DCAF4L2: variants seen among roughly 807,000 people sequenced by gnomAD.
The protein encoded by DCAF4L2 is DDB1- and CUL4-associated factor 4-like protein 2.
In DCAF4L2, 13 loss-of-function variants were observed where a neutral mutation model predicts 15.5. The ratio of observed to expected loss-of-function variants is 0.84; its 90% CI spans 0.54 to 1.33. DCAF4L2 has a LOEUF of 1.33. Ranked by LOEUF, DCAF4L2 falls within the 40% of genes most tolerant of loss-of-function variation. DCAF4L2 has a pLI of 0.00. For synonymous variants in DCAF4L2, 251 were observed against 207.0 expected (o/e 1.21, Z -1.83); for missense variants, 519 against 509.6 (o/e 1.02, Z -0.18).
rs551327930 is a variant in DCAF4L2 at position 87,873,086 on chromosome 8, G to A, written c.886C>T (p.Leu296=). The change falls in exon 1 of 1, where the codon CTG becomes TTG. Residue 296 remains leucine (L), a synonymous_variant. Transcript: ENST00000319675. Reference sequence around the variant, plus strand: ...CATTTAGTGGCCCTCAAGTCCCACAGCTTGATAGTTCCAGTCATGTCTGAT... The same window carrying A: ...CATTTAGTGGCCCTCAAGTCCCACAACTTGATAGTTCCAGTCATGTCTGAT... The part of the protein sequence containing the change: ...VSSDMTGTIK[L]WDLRATKCVT... 1 of 1,614,202 alleles carries A rather than the reference G, an allele frequency of 6.2e-7. No individual in the cohort carries two copies. The highest frequency in any genetic ancestry group is 8.5e-7 in the Non-Finnish European group (1 of 1,180,044).
Position 87,873,059 on chromosome 8 carries a change from C to T in DCAF4L2, c.913G>A (p.Val305Ile), listed in dbSNP as rs759325348. 6.2e-7 allele frequency: 1 copy of T among 1,614,174 alleles called. No homozygotes were observed. Among genetic ancestry groups the T allele is most frequent in the Non-Finnish European group, 8.5e-7 (1 of 1,180,038 alleles). Residue 305 changes from valine (V) to isoleucine (I), a missense_variant, in exon 1 of 1, where the codon GTA becomes ATA. Physicochemically the swap from Val to Ile is conservative, Grantham distance 29 (BLOSUM62 3). Coordinates refer to ENST00000319675, the MANE Select transcript of DCAF4L2 (RefSeq NM_152418.4). ...KLWDLRATKC[V>I]TQYEGHVNNS... ...TTCACATGACCTTCGTACTGTGTTA[C>T]ACATTTAGTGGCCCTCAAGTCCCAC... is the stretch of plus-strand genomic sequence containing the variant.
Position 87,872,510 on chromosome 8 carries a change from AAAAAAAG to A in DCAF4L2, c.*267_*273del. On this transcript the variant is annotated 3_prime_UTR_variant, in exon 1 of 1. Transcript: ENST00000319675. Reference sequence around the variant, plus strand: ...AAAAGTGTTTTTTTGTTAAAAAAAAAAAAAAAGGGGGGGATAACTATTCTAAGGTATT... The same window carrying A: ...AAAAGTGTTTTTTTGTTAAAAAAAAAGGGGGGATAACTATTCTAAGGTATT... 1 of 244,384 alleles carries A rather than the reference AAAAAAAG, an allele frequency of 4.1e-6. No homozygotes were observed. The allele number at this position is 244,384 out of a possible 1,614,324, so 15.1% of individuals were successfully genotyped here. A position where few individuals can be genotyped will look rare whatever the true frequency, so the allele number is the denominator to read the frequency against.
chr8:87,873,188 A>G lies in DCAF4L2; in HGVS notation c.784T>C (p.Trp262Arg). 6.2e-7 allele frequency: 1 copy of G among 1,614,102 alleles called. No homozygotes were observed. Among genetic ancestry groups the G allele is most frequent in the Non-Finnish European group, 8.5e-7 (1 of 1,180,004 alleles). ...TCATGGGACAGGCAAATGGCCTTCCACCCGCTGCCTTGATTTCCACAGCGC... is the reference window on the plus strand; with the variant it reads ...TCATGGGACAGGCAAATGGCCTTCCGCCCGCTGCCTTGATTTCCACAGCGC... The part of the protein sequence containing the change: ...DLRCGNQGSG[W>R]KAICLSHDSA... The change falls in exon 1 of 1, where the codon TGG becomes CGG. Residue 262 changes from tryptophan to arginine, a missense_variant. Transcript: ENST00000319675.
rs778432692 is a variant in DCAF4L2 at position 87,873,579 on chromosome 8, G to C, written c.393C>G (p.Cys131Trp). Reference protein sequence around the residue: ...YVPNRKVNSMCWASLNHLDSH... With the variant: ...YVPNRKVNSMWWASLNHLDSH... Reference sequence around the variant, plus strand: ...AATCCAAGTGATTCAGTGAGGCCCAGCACATAGAATTCACCTTCCGATTAG... The same window carrying C: ...AATCCAAGTGATTCAGTGAGGCCCACCACATAGAATTCACCTTCCGATTAG... The change falls in exon 1 of 1, where the codon TGC (cysteine) becomes TGG (tryptophan). Residue 131 changes from cysteine to tryptophan, a missense_variant. Transcript: ENST00000319675. 37 of 1,614,076 alleles carry C rather than the reference G, an allele frequency of 2.3e-5. No homozygotes were observed. The highest frequency in any genetic ancestry group is 3.1e-5 in the Non-Finnish European group (36 of 1,180,046).
chr8:87,873,468 G>A lies in DCAF4L2; in HGVS notation c.504C>T (p.Phe168=). 6.2e-7 allele frequency: 1 copy of A among 1,614,232 alleles called. No individual in the cohort carries two copies. Among genetic ancestry groups the A allele is most frequent in the Non-Finnish European group, 8.5e-7 (1 of 1,180,046 alleles). Residue 168 remains phenylalanine (F), a synonymous_variant, in exon 1 of 1, where the codon TTC becomes TTT. Transcript: ENST00000319675. ...GCATGCCAGGCCGACGCATTCCTGGGAAGCTACCTATGAACAGCGACGCTG... is the reference window on the plus strand; with the variant it reads ...GCATGCCAGGCCGACGCATTCCTGGAAAGCTACCTATGAACAGCGACGCTG... ...LLPASLFIGS[F]PGMRRPGMLC... is the part of the protein sequence containing the mutation.
At position 87,873,872 on chromosome 8, in the gene DCAF4L2, G is replaced by C. The variant is rs777024327; in HGVS notation, c.100C>G (p.Leu34Val). ...NAPSMLRKNQ[L>V]GFLRFANYCR... ...TAGTTGGCGAATCTGAGGAAACCTAGCTGGTTCTTTCGTAGCATGGAAGGT... is the reference window on the plus strand; with the variant it reads ...TAGTTGGCGAATCTGAGGAAACCTACCTGGTTCTTTCGTAGCATGGAAGGT... The change falls in exon 1 of 1, where the codon CTA becomes GTA. Residue 34 changes from leucine (L) to valine (V), a missense_variant. By Grantham distance (32) the Leu-to-Val change is conservative (BLOSUM62 1). Coordinates refer to ENST00000319675, the MANE Select transcript of DCAF4L2 (RefSeq NM_152418.4). 7.4e-6 allele frequency: 12 copies of C among 1,614,020 alleles called. No individual in the cohort carries two copies. Among genetic ancestry groups the C allele is most frequent in the Non-Finnish European group, 1.0e-5 (12 of 1,180,042 alleles).
Position 87,873,638 on chromosome 8 carries a change from G to A in DCAF4L2, c.334C>T (p.Leu112Phe). 6.2e-7 allele frequency: 1 copy of A among 1,614,224 alleles called. No individual in the cohort carries two copies. Among genetic ancestry groups the A allele is most frequent in the Non-Finnish European group, 8.5e-7 (1 of 1,180,042 alleles). ...AGGGTTTTGTGCGGGTATACCCGGAGCTCAGGGGTCGTCAGGCCTCGCATG... is the reference window on the plus strand; with the variant it reads ...AGGGTTTTGTGCGGGTATACCCGGAACTCAGGGGTCGTCAGGCCTCGCATG... ...ITMRGLTTPE[L>F]RVYPHKTLYV... The change falls in exon 1 of 1, where the codon CTC becomes TTC. Residue 112 changes from leucine (L) to phenylalanine (F), a missense_variant. Transcript: ENST00000319675.
chr8:87,872,481 T>C lies in DCAF4L2; in HGVS notation c.*303A>G, dbSNP rs970861049. On this transcript the variant is annotated 3_prime_UTR_variant, in exon 1 of 1. Coordinates refer to ENST00000319675, the MANE Select transcript of DCAF4L2 (RefSeq NM_152418.4). ...TTTAGTTTTTGCCAATCTTCAGTCC[T>C]TAGAAAAGTGTTTTTTTGTTAAAAA... 5.4e-5 allele frequency: 11 copies of C among 204,242 alleles called. No homozygotes were observed. In the Admixed American group the frequency reaches 6.1e-4, roughly 11 times the overall value. The allele number at this position is 204,242 out of a possible 1,614,324, so 12.7% of individuals were successfully genotyped here. A position where few individuals can be genotyped will look rare whatever the true frequency, so the allele number is the denominator to read the frequency against.
Position 87,873,933 on chromosome 8 carries a change from G to A in DCAF4L2, c.39C>T (p.Asp13=). 2 of 1,613,998 alleles carry A rather than the reference G, an allele frequency of 1.2e-6. No homozygotes were observed. Among genetic ancestry groups the A allele is most frequent in the Non-Finnish European group, 1.7e-6 (2 of 1,179,998 alleles). Residue 13 remains aspartate, a synonymous_variant, in exon 1 of 1, where the codon GAC becomes GAT. Coordinates refer to ENST00000319675, the MANE Select transcript of DCAF4L2 (RefSeq NM_152418.4). The stretch of plus-strand genomic sequence containing the variant: ...CCACTCTGACTGTCTTTTTCTGCTT[G>A]TCTGCTTCCTCGAGCAGTCGCGGTC... ...SKRPRLLEEA[D]KQKKTVRVGL...
In DCAF4L2 at chr8:87,872,588, GCT is replaced by G. The variant is rs1342825170; in HGVS notation, c.*194_*195del. ...TATCTTTTATGAAAAGGACTTTCAA[GCT>G]CTCTCAGCCCAGTTTAACTGAAACA... is the stretch of plus-strand genomic sequence containing the variant. On this transcript the variant is annotated 3_prime_UTR_variant, in exon 1 of 1. Transcript: ENST00000319675. 4.1e-6 allele frequency: 2 copies of G among 483,540 alleles called. No homozygotes were observed. The highest frequency in any genetic ancestry group is 7.1e-6 in the Non-Finnish European group (2 of 283,468). The allele number at this position is 483,540 out of a possible 1,614,324, so 30.0% of individuals were successfully genotyped here.
rs148443990 is a variant in DCAF4L2, at chr8:87,873,794, G to T, written c.178C>A (p.Gln60Lys). The change falls in exon 1 of 1, where the codon CAG becomes AAG. Residue 60 changes from glutamine to lysine, a missense_variant. Physicochemically the swap from Gln to Lys is moderately conservative, Grantham distance 53. Coordinates refer to ENST00000319675, the MANE Select transcript of DCAF4L2 (RefSeq NM_152418.4). ...GAGGAGGGATCCCAGCTATGAATCTGGACCTTTTTCCTCTGCATGCAGCTT... is the reference window on the plus strand; with the variant it reads ...GAGGAGGGATCCCAGCTATGAATCTTGACCTTTTTCCTCTGCATGCAGCTT... Reference protein sequence around the residue: ...RVSCMQRKKVQIHSWDPSSLA... With the variant: ...RVSCMQRKKVKIHSWDPSSLA... 1.5e-3 allele frequency: 2,478 copies of T among 1,614,106 alleles called. 3 individuals carry two copies. The highest frequency in any genetic ancestry group is 2.0e-3 in the Non-Finnish European group (2,311 of 1,180,030).
chr8:87,873,904 A>G lies in DCAF4L2; in HGVS notation c.68T>C (p.Leu23Pro). The change falls in exon 1 of 1, where the codon CTC becomes CCC. Residue 23 changes from leucine (L) to proline (P), a missense_variant. By Grantham distance (98) the Leu-to-Pro change is moderately conservative (BLOSUM62 -3). Coordinates refer to ENST00000319675, the MANE Select transcript of DCAF4L2 (RefSeq NM_152418.4). ...DKQKKTVRVG[L>P]NAPSMLRKNQ... is the part of the protein sequence containing the mutation. ...CTTTCGTAGCATGGAAGGTGCATTGAGTCCCACTCTGACTGTCTTTTTCTG... is the reference window on the plus strand; with the variant it reads ...CTTTCGTAGCATGGAAGGTGCATTGGGTCCCACTCTGACTGTCTTTTTCTG... The G allele has an allele frequency of 1.9e-6, 3 of 1,614,054 alleles. No homozygotes were observed. Among genetic ancestry groups the G allele is most frequent in the Non-Finnish European group, 1.7e-6 (2 of 1,180,034 alleles).
Position 87,872,286 on chromosome 8 carries a change from T to C in DCAF4L2, c.*498A>G, listed in dbSNP as rs1451266678. On this transcript the variant is annotated 3_prime_UTR_variant, in exon 1 of 1. Coordinates refer to ENST00000319675, the MANE Select transcript of DCAF4L2 (RefSeq NM_152418.4). ...GGCCAAGTTTAATGATTCCAAAATG[T>C]AGCCTTAAAAACTTCTGGAGAGACT... The C allele has an allele frequency of 6.5e-6, 1 of 154,836 alleles. No individual in the cohort carries two copies. The highest frequency in any genetic ancestry group is 1.5e-5 in the Non-Finnish European group (1 of 68,322). The allele number at this position is 154,836 out of a possible 1,614,324, so 9.6% of individuals were successfully genotyped here.
Position 87,872,533 on chromosome 8 carries a change from C to A in DCAF4L2, c.*251G>T. ...AAAAAAAAAGGGGGGGATAACTATT[C>A]TAAGGTATTCAACAAGAAAAGGAAA... On this transcript the variant is annotated 3_prime_UTR_variant, in exon 1 of 1. Coordinates refer to ENST00000319675, the MANE Select transcript of DCAF4L2 (RefSeq NM_152418.4). 6 of 327,298 alleles carry A rather than the reference C, an allele frequency of 1.8e-5. No individual in the cohort carries two copies. The highest frequency in any genetic ancestry group is 2.1e-5 in the African/African-American group (1 of 46,908). 20.3% of individuals were successfully genotyped at this position (327,298 alleles called of 1,614,324 possible).
rs549330647 is a variant in DCAF4L2, at chr8:87,872,803, T to C, written c.1169A>G (p.Tyr390Cys). The C allele has an allele frequency of 2.5e-6, 4 of 1,587,530 alleles. No homozygotes were observed. Among genetic ancestry groups the C allele is most frequent in the South Asian group, 2.3e-5 (2 of 87,030 alleles). ...GAAGAATTAACCGTAGGAGAAACAA[T>C]AAAGGTCCTCCCGGACAGCCATGAG... is the stretch of plus-strand genomic sequence containing the variant. ...GLLMAVREDL[Y>C]CFSYG The change falls in exon 1 of 1, where the codon TAT becomes TGT. Residue 390 changes from tyrosine (Y) to cysteine (C), a missense_variant. Coordinates refer to ENST00000319675, the MANE Select transcript of DCAF4L2 (RefSeq NM_152418.4).
In DCAF4L2 at chr8:87,873,943, T is replaced by C; in HGVS notation, c.29A>G (p.Glu10Gly). 3 of 1,614,064 alleles carry C rather than the reference T, an allele frequency of 1.9e-6. No individual in the cohort carries two copies. The highest frequency in any genetic ancestry group is 1.1e-5 in the South Asian group (1 of 91,076). The stretch of plus-strand genomic sequence containing the variant: ...TGTCTTTTTCTGCTTGTCTGCTTCC[T>C]CGAGCAGTCGCGGTCTTTTGCTCTC... The part of the protein sequence containing the change: MESKRPRLL[E>G]EADKQKKTVR... The change falls in exon 1 of 1, where the codon GAG becomes GGG. Residue 10 changes from glutamate (E) to glycine (G), a missense_variant. Glu to Gly is a moderately conservative substitution (Grantham distance 98, BLOSUM62 -2). Transcript: ENST00000319675.
In DCAF4L2 at chr8:87,872,516, A is replaced by T; in HGVS notation, c.*268T>A. ...GTTTTTTTGTTAAAAAAAAAAAAAAAGGGGGGGATAACTATTCTAAGGTAT... is the reference window on the plus strand; with the variant it reads ...GTTTTTTTGTTAAAAAAAAAAAAAATGGGGGGGATAACTATTCTAAGGTAT... On this transcript the variant is annotated 3_prime_UTR_variant, in exon 1 of 1. Coordinates refer to ENST00000319675, the MANE Select transcript of DCAF4L2 (RefSeq NM_152418.4). The T allele has an allele frequency of 1.5e-5, 3 of 203,022 alleles. No individual in the cohort carries two copies. Among genetic ancestry groups the T allele is most frequent in the Non-Finnish European group, 9.6e-6 (1 of 104,172 alleles). 12.6% of individuals were successfully genotyped at this position (203,022 alleles called of 1,614,324 possible). A position where few individuals can be genotyped will look rare whatever the true frequency, so the allele number is the denominator to read the frequency against.
At position 87,871,587 on chromosome 8, in the gene DCAF4L2, T is replaced by G. The variant is rs1809399427; in HGVS notation, c.*1197A>C. On this transcript the variant is annotated 3_prime_UTR_variant, in exon 1 of 1. Coordinates refer to ENST00000319675, the MANE Select transcript of DCAF4L2 (RefSeq NM_152418.4). ...CAGCATTTCTAAAGTTTCCCCGTGT[T>G]ACTTTCCAAACAATATCCTAAAAAT... is the stretch of plus-strand genomic sequence containing the variant. 6.6e-6 allele frequency: 1 copy of G among 152,192 alleles called. No homozygotes were observed. The highest frequency in any genetic ancestry group is 2.4e-5 in the African/African-American group (1 of 41,454). The allele number at this position is 152,192 out of a possible 1,614,324, so 9.4% of individuals were successfully genotyped here.
rs765271362 is a variant in DCAF4L2 at position 87,873,718 on chromosome 8, T to C, written c.254A>G (p.Gln85Arg). 2 of 1,614,202 alleles carry C rather than the reference T, an allele frequency of 1.2e-6. No individual in the cohort carries two copies. The highest frequency in any genetic ancestry group is 3.3e-5 in the Admixed American group (2 of 60,014). ...TTCGACTTGGTTCACTGTGAAGAGC[T>C]GGTCAGTGTTGGTATTCGCCAGTAT... ...NRILANTNTD[Q>R]LFTVNQVEAG... Residue 85 changes from glutamine to arginine, a missense_variant, in exon 1 of 1, where the codon CAG becomes CGG. Transcript: ENST00000319675.
Sources: gnomAD v4.1 joint callset for allele counts on GRCh38, gnomAD v4.1.1 for gene constraint, MANE v1.5 for transcripts, NCBI Gene and HGNC (gene_info 2026-07-23, HGNC 2026-07-21) for gene names.